PLEKHG4B: variants seen among roughly 807,000 people sequenced by gnomAD.
PLEKHG4B encodes pleckstrin homology and RhoGEF domain containing G4B, also known as pleckstrin homology domain-containing family G member 4B.
Under a neutral mutation model 121.3 loss-of-function variants are expected in PLEKHG4B, and 111 were observed. That is an observed-to-expected ratio of 0.92 (90% CI 0.78 to 1.07). PLEKHG4B has a LOEUF of 1.07. PLEKHG4B is among the 50% of genes least tolerant of loss of function. PLEKHG4B has a pLI of 0.00. For synonymous variants in PLEKHG4B, 738 were observed against 725.0 expected (o/e 1.02, Z -0.29); for missense variants, 1,831 against 1,757.8 (o/e 1.04, Z -0.74).
Position 139,687 on chromosome 5 carries a change from G to A in PLEKHG4B, c.448G>A (p.Val150Ile), listed in dbSNP as rs182778586. 7.0e-5 allele frequency: 28 copies of A among 398,864 alleles called. No individual in the cohort carries two copies. Among genetic ancestry groups the A allele is most frequent in the Middle Eastern group, 6.3e-4 (1 of 1,592 alleles). 24.7% of individuals were successfully genotyped at this position (398,864 alleles called of 1,614,324 possible). The change falls in exon 3 of 20, where the codon GTC becomes ATC. Residue 150 changes from valine (V) to isoleucine (I), a missense_variant. By Grantham distance (29) the Val-to-Ile change is conservative (BLOSUM62 3). Coordinates refer to ENST00000637938, the MANE Select transcript of PLEKHG4B (RefSeq NM_052909.5). This position sits in a 1 kb window ranked among gnomAD's most constrained non-coding sequence, Gnocchi z 5.0. ...RLGRGTEEVT[V>I]PEAMYGCVFT... ...GGGAAGAGGCACAGAGGAAGTCACC[G>A]TCCCTGAGGCCATGTATGGCTGTGT...
chr5:167,109 T>G (rs543846842), intron 13 of PLEKHG4B, among the ~76,000 whole-genome samples: 1 of 152,328 alleles, frequency 6.6e-6, no homozygotes, highest in African/African-American at 2.4e-5. Context: ...CATTGTCCAT[T>G]TACTTTGATC....
In PLEKHG4B at chr5:171,381, G is replaced by C. The variant is rs780220263; in HGVS notation, c.3987G>C (p.Val1329=). The C allele has an allele frequency of 6.2e-7, 1 of 1,610,770 alleles. No individual in the cohort carries two copies. The highest frequency in any genetic ancestry group is 8.5e-7 in the Non-Finnish European group (1 of 1,179,742). The change falls in exon 16 of 20, where the codon GTG becomes GTC. Residue 1329 remains valine, a synonymous_variant. Coordinates refer to ENST00000637938, the MANE Select transcript of PLEKHG4B (RefSeq NM_052909.5). ...GCGAGCTCCGAGCCGCCGAGGTCGT[G>C]GTCTGCTTCCAGCTGCGTCACGGCA... ...ELGELRAAEV[V]VCFQLRHGND...
At chr5:153,761 T>C (rs935215059) in intron 7 of PLEKHG4B, among the ~76,000 whole-genome samples, 1 of 152,092 alleles carries the variant, frequency 6.6e-6, no homozygotes, top group African/African-American at 2.4e-5. Context: ...TCACGGCTGC[T>C]TGCAGCCTTG....
intron 14 of PLEKHG4B, among the ~76,000 whole-genome samples, 195 bp downstream of exon 14, chr5:169,787 T>C (rs1108867): frequency 0.66 from 100,756 of 152,190 alleles, 34,045 homozygotes; most frequent in Non-Finnish European, 0.72. Flanking sequence ...TCTCCAGTGC[T>C]CGGTGCTTTG....
intron 7 of PLEKHG4B, among the ~76,000 whole-genome samples, chr5:153,833 T>G (rs1735678542): frequency 6.6e-6 from 1 of 152,004 alleles, no homozygotes; most frequent in African/African-American, 2.4e-5. Flanking sequence ...TCTACAGGTA[T>G]GCACTAGCAC....
At chr5:105,002 A>G in intron 1 of PLEKHG4B, among the ~76,000 whole-genome samples, 1 of 152,188 alleles carries the variant, frequency 6.6e-6, no homozygotes, top group South Asian at 2.1e-4. Context: ...ACAGTGGGTG[A>G]GGGCTGTTCT....
chr5:104,373 C>T (rs759841068), intron 1 of PLEKHG4B, among the ~76,000 whole-genome samples: 10 of 152,210 alleles, frequency 6.6e-5, no homozygotes, highest in Non-Finnish European at 1.3e-4. Context: ...AAACTCAACA[C>T]TCTTAAGACG....
intron 6 of PLEKHG4B, 86 bp downstream of exon 6, chr5:145,006 G>T (rs1300680659): frequency 2.0e-5 from 25 of 1,262,854 alleles, no homozygotes; most frequent in African/African-American, 1.5e-5. Context: ...TGGTTCTGGA[G>T]TAGCCAGTCC....
chr5:172,747 A>G, intron 16 of PLEKHG4B, 150 bp from the exon 17 acceptor site: 1 of 794,908 alleles, frequency 1.3e-6, no homozygotes, highest in Non-Finnish European at 2.1e-6. Flanking sequence ...TTTAACAGCT[A>G]ACATTAAGGC....
intron 1 of PLEKHG4B, among the ~76,000 whole-genome samples, chr5:102,934 G>A (rs944398703): frequency 2.0e-5 from 3 of 152,292 alleles, no homozygotes; most frequent in East Asian, 1.9e-4. Context: ...TCTTGGAGCC[G>A]GTGGTTATGG....
At chr5:164,591 TGTGA>T (rs1330689479) in intron 13 of PLEKHG4B, among the ~76,000 whole-genome samples, 87 of 92,026 alleles carry the variant, frequency 9.5e-4, no homozygotes, top group Non-Finnish European at 1.2e-3. Context: ...ACAGTAATGC[TGTGA>T]CGGAGCGGAG....
At chr5:109,569 G>T (rs1734077527) in intron 1 of PLEKHG4B, among the ~76,000 whole-genome samples, 1 of 152,194 alleles carries the variant, frequency 6.6e-6, no homozygotes, top group Admixed American at 6.5e-5. Context: ...ACAGAAGCTG[G>T]GCTGGGCTGG....
At chr5:147,513 G>A (rs999797260) in intron 6 of PLEKHG4B, among the ~76,000 whole-genome samples, 1 of 152,152 alleles carries the variant, frequency 6.6e-6, no homozygotes, top group African/African-American at 2.4e-5. Flanking sequence ...CAAACCTAAG[G>A]CAGTGACATC....
At chr5:168,314 G>T (rs1035083090) in intron 13 of PLEKHG4B, among the ~76,000 whole-genome samples, 4 of 152,176 alleles carry the variant, frequency 2.6e-5, no homozygotes, top group Admixed American at 2.6e-4. Context: ...CATCCCTGGG[G>T]CCTAGCCTGC....
intron 1 of PLEKHG4B, among the ~76,000 whole-genome samples, chr5:93,025 A>C (rs1733518870): frequency 6.6e-6 from 1 of 152,140 alleles, no homozygotes; most frequent in Non-Finnish European, 1.5e-5. Context: ...TTTCGTGTGA[A>C]ACTAAAGAGT....
At chr5:173,732 C>T (rs1393468108) in intron 17 of PLEKHG4B, among the ~76,000 whole-genome samples, 186 bp from the exon 18 acceptor site, 1 of 152,144 alleles carries the variant, frequency 6.6e-6, no homozygotes, top group Non-Finnish European at 1.5e-5. Context: ...CAGGCACTCT[C>T]CCTGGCACGG....
chr5:156,102 CGAT>C lies in PLEKHG4B; in HGVS notation c.2246_2248del (p.Met749del). ...GCCGAGTTAATTGACCAGCATGAGA[CGAT>C]GATGAAGCTTGTCCTGGAAGACCCA... On this transcript the variant is annotated inframe_deletion, in exon 10 of 20. Transcript: ENST00000637938. This position sits in a 1 kb window ranked among gnomAD's most constrained non-coding sequence, Gnocchi z 4.4. 1 of 1,598,512 alleles carries C rather than the reference CGAT, an allele frequency of 6.3e-7. No individual in the cohort carries two copies. Among genetic ancestry groups the C allele is most frequent in the East Asian group, 2.3e-5 (1 of 44,048 alleles).
chr5:175,498 C>A (rs1047762504), intron 18 of PLEKHG4B, among the ~76,000 whole-genome samples: 2 of 152,162 alleles, frequency 1.3e-5, no homozygotes, highest in Admixed American at 6.5e-5. Context: ...CCCAGCTGTC[C>A]CTCTCTACCC....
At chr5:175,690 C>G in intron 18 of PLEKHG4B, among the ~76,000 whole-genome samples, 1 of 8,148 alleles carries the variant, frequency 1.2e-4, no homozygotes, top group South Asian at 3.3e-3. Flanking sequence ...CAGGCAGACA[C>G]GACCAGGGCT....
Sources: allele counts gnomAD v4.1 joint callset (sites outside exome capture counted in the v4.1 genomes callset), GRCh38; gene constraint gnomAD v4.1.1; non-coding constraint Gnocchi (gnomAD v3.1); transcripts MANE v1.5; gene names NCBI Gene and HGNC (gene_info 2026-07-23, HGNC 2026-07-21).